The following NTNG1 variants were observed in gnomAD, a reference collection of about 807,000 sequenced individuals.
NTNG1 encodes netrin-G1.
Under a neutral mutation model 54.0 loss-of-function variants are expected in NTNG1, and 16 were observed. The observed-to-expected ratio is 0.30, with a 90% confidence interval of 0.20 to 0.45. The LOEUF (loss-of-function observed/expected upper bound fraction) is 0.45. NTNG1 is among the 20% of genes least tolerant of loss of function. The pLI is 1.00. For missense variants in NTNG1, 530 were observed against 678.7 expected (o/e 0.78, Z 2.43); for synonymous variants, 255 against 263.1 (o/e 0.97, Z 0.30).
chr1:107,346,045 TG>T (rs1669202581), intron 3 of NTNG1, among the ~76,000 whole-genome samples: 1 of 152,186 alleles, frequency 6.6e-6, no homozygotes, highest in South Asian at 2.1e-4. Context: ...CGATTTGAGT[TG>T]GGGTCTGGTG....
At chr1:107,152,359 A>G (rs1654642687) in intron 2 of NTNG1, among the ~76,000 whole-genome samples, 1 of 152,196 alleles carries the variant, frequency 6.6e-6, no homozygotes, top group Admixed American at 6.5e-5. Flanking sequence ...TTCAATTTGC[A>G]TAAAGAGCAG....
chr1:107,458,194 G>A (rs1457084367), intron 7 of NTNG1, among the ~76,000 whole-genome samples: 1 of 152,126 alleles, frequency 6.6e-6, no homozygotes, highest in Non-Finnish European at 1.5e-5. Flanking sequence ...TAATGGGGAT[G>A]ACACATGAGT....
At chr1:107,358,131 A>T (rs1308648274) in intron 3 of NTNG1, among the ~76,000 whole-genome samples, 2 of 152,192 alleles carry the variant, frequency 1.3e-5, no homozygotes, top group Non-Finnish European at 2.9e-5. Flanking sequence ...AAGAATGCAT[A>T]TATAACAATA....
intron 2 of NTNG1, among the ~76,000 whole-genome samples, chr1:107,196,174 G>A (rs1445595986): frequency 1.3e-5 from 2 of 151,894 alleles, no homozygotes; most frequent in South Asian, 2.1e-4. Flanking sequence ...CTCCTACGTA[G>A]CAGTCACTGA....
intron 2 of NTNG1, among the ~76,000 whole-genome samples, chr1:107,230,115 G>A (rs765879037): frequency 3.3e-5 from 5 of 152,116 alleles, no homozygotes; most frequent in Non-Finnish European, 5.9e-5. Context: ...ATAATATTGG[G>A]ACCTACTCAA....
intron 2 of NTNG1, among the ~76,000 whole-genome samples, chr1:107,221,252 T>A (rs1660323474): frequency 6.6e-6 from 1 of 152,190 alleles, no homozygotes; most frequent in Non-Finnish European, 1.5e-5. Context: ...GCTTTTTTGA[T>A]AAGGCTTTGC....
At chr1:107,148,981 T>C (rs1478875910) in intron 2 of NTNG1, 142 bp downstream of exon 2, 2 of 810,022 alleles carry the variant, frequency 2.5e-6, no homozygotes, top group African/African-American at 1.7e-5. Flanking sequence ...CTAGTTTCTT[T>C]CTCAGTGGAG....
At position 107,421,204 on chromosome 1, in the gene NTNG1, T is replaced by G. The variant is rs41278448; in HGVS notation, c.1088-9546T>G. 8,485 of 1,155,446 alleles carry G rather than the reference T, an allele frequency of 7.3e-3. 51 individuals carry two copies. Among genetic ancestry groups the G allele is most frequent in the Middle Eastern group, 9.6e-3 (50 of 5,226 alleles). The allele number at this position is 1,155,446 out of a possible 1,614,324, so 71.6% of individuals were successfully genotyped here. A position where few individuals can be genotyped will look rare whatever the true frequency, so the allele number is the denominator to read the frequency against. Reference sequence around the variant, plus strand: ...TGTTATGTGTTGTGAAACATTGCACTGTATGAATCTGGAATATCTGTGAAG... The same window carrying G: ...TGTTATGTGTTGTGAAACATTGCACGGTATGAATCTGGAATATCTGTGAAG... On this transcript the variant is annotated intron_variant, in intron 5 of 7. Transcript: ENST00000370068.
intron 3 of NTNG1, among the ~76,000 whole-genome samples, chr1:107,384,898 G>T (rs1671869099): frequency 6.6e-6 from 1 of 152,090 alleles, no homozygotes; most frequent in African/African-American, 2.4e-5. Flanking sequence ...TGCATATTTT[G>T]GAAAAATACA....
chr1:107,374,320 T>C (rs1156580891), intron 3 of NTNG1, among the ~76,000 whole-genome samples: 1 of 152,198 alleles, frequency 6.6e-6, no homozygotes, highest in East Asian at 1.9e-4. Flanking sequence ...AATATTTATT[T>C]GGCCCACCCA....
At chr1:107,476,411 C>T (rs1212746401) in intron 7 of NTNG1, among the ~76,000 whole-genome samples, 1 of 152,166 alleles carries the variant, frequency 6.6e-6, no homozygotes, top group Non-Finnish European at 1.5e-5. Flanking sequence ...GACCTATCTC[C>T]TGTTCCATTA....
intron 2 of NTNG1, among the ~76,000 whole-genome samples, chr1:107,306,491 C>G (rs1184656879): frequency 6.6e-6 from 1 of 152,194 alleles, no homozygotes; most frequent in Non-Finnish European, 1.5e-5. Context: ...CAGCTCATGC[C>G]TGTAATCCCA....
intron 2 of NTNG1, among the ~76,000 whole-genome samples, chr1:107,171,052 T>C (rs1369340662): frequency 6.6e-6 from 1 of 152,194 alleles, no homozygotes; most frequent in Non-Finnish European, 1.5e-5. Flanking sequence ...TCAGATTGAC[T>C]CATCTTATTT....
At chr1:107,291,571 A>G (rs534715404) in intron 2 of NTNG1, among the ~76,000 whole-genome samples, 7 of 152,334 alleles carry the variant, frequency 4.6e-5, no homozygotes, top group Non-Finnish European at 8.8e-5. Flanking sequence ...TTCACATAAA[A>G]GGAAAAATAA....
intron 7 of NTNG1, among the ~76,000 whole-genome samples, chr1:107,445,583 A>T (rs1676259385): frequency 6.6e-6 from 1 of 152,178 alleles, no homozygotes; most frequent in Non-Finnish European, 1.5e-5. Context: ...CCTGTTAAGT[A>T]GCACACCAGT....
rs764068461 is a variant in NTNG1 at position 107,436,777 on chromosome 1, T to C, written c.1368T>C (p.Asn456=). The change falls in exon 7 of 8, where the codon AAT becomes AAC. Residue 456 remains asparagine, a synonymous_variant. Coordinates refer to ENST00000370068, the MANE Select transcript of NTNG1 (RefSeq NM_001113226.3). ...AGTGTGATGAGTGTCTGCCGGGAAA[T>C]TCCTGGCACTACGGCTGTCAACGTA... ...GPKCDECLPG[N]SWHYGCQPNV... is the part of the protein sequence containing the mutation. 1.4e-5 allele frequency: 23 copies of C among 1,613,336 alleles called. No individual in the cohort carries two copies. The highest frequency in any genetic ancestry group is 1.9e-5 in the Non-Finnish European group (23 of 1,179,532).
chr1:107,269,400 T>C (rs1663975479), intron 2 of NTNG1, among the ~76,000 whole-genome samples: 1 of 152,342 alleles, frequency 6.6e-6, no homozygotes, highest in Admixed American at 6.5e-5. Context: ...TTTCTACCCT[T>C]GGCATTTCCA....
intron 5 of NTNG1, among the ~76,000 whole-genome samples, chr1:107,430,079 T>A (rs1002761173): frequency 1.3e-5 from 2 of 152,196 alleles, no homozygotes; most frequent in Non-Finnish European, 2.9e-5. Context: ...TAAAAGCACC[T>A]TTTCGCACAA....
rs1235272477 is a variant in NTNG1 at position 107,395,320 on chromosome 1, A to G, written c.1054A>G (p.Asn352Asp). ...TCTCCCCATCCCCAAAGGCACTGCA[A>G]ATACCTGTGAGTAACTTTGCTTGGT... ...SYLPIPKGTA[N>D]TCIPSISSIG... The change falls in exon 4 of 8, where the codon AAT becomes GAT. Residue 352 changes from asparagine to aspartate, a missense_variant. Around this residue, in one of 2 missense-constraint regions of NTNG1, gnomAD observed 318 missense variants for 465.1 expected, o/e 0.68. Coordinates refer to ENST00000370068, the MANE Select transcript of NTNG1 (RefSeq NM_001113226.3). 6.2e-7 allele frequency: 1 copy of G among 1,613,154 alleles called. No individual in the cohort carries two copies. Among genetic ancestry groups the G allele is most frequent in the Non-Finnish European group, 8.5e-7 (1 of 1,179,412 alleles).
Sources: gnomAD v4.1 joint callset for allele counts (sites outside exome capture counted in the v4.1 genomes callset) on GRCh38, gnomAD v4.1.1 for gene constraint, gnomAD v4.1.1 regional missense constraint, MANE v1.5 for transcripts, NCBI Gene and HGNC (gene_info 2026-07-23, HGNC 2026-07-21) for gene names.